The following MTUS1 variants were observed in gnomAD, a reference collection of about 807,000 sequenced individuals.
The protein encoded by MTUS1 is microtubule-associated tumor suppressor 1.
A neutral mutation model predicts 120.8 loss-of-function variants in MTUS1; 109 were observed. The ratio of observed to expected loss-of-function variants is 0.90; its 90% CI spans 0.77 to 1.06. The LOEUF (loss-of-function observed/expected upper bound fraction) is 1.06. MTUS1 is among the 50% of genes least tolerant of loss of function. The probability of loss-of-function intolerance (pLI) is 0.00; values close to 1 mark genes in which losing one functional copy is unlikely to be tolerated. For missense variants in MTUS1, 2,210 were observed against 1,486.3 expected (o/e 1.49, Z -8.01); for synonymous variants, 737 against 550.5 (o/e 1.34, Z -4.74).
chr8:17,669,860 A>AC (rs386360439), intron 8 of MTUS1, among the ~76,000 whole-genome samples: 56 of 151,610 alleles, frequency 3.7e-4, no homozygotes, highest in East Asian at 9.7e-4. Flanking sequence ...AACAAAAAAA[A>AC]CAAAATGTCC....
intron 1 of MTUS1, among the ~76,000 whole-genome samples, chr8:17,781,441 T>C (rs2050868312): frequency 6.6e-6 from 1 of 152,226 alleles, no homozygotes; most frequent in Admixed American, 6.5e-5. Flanking sequence ...CTTCACTTTG[T>C]GTTCAAAGGC....
intron 1 of MTUS1, chr8:17,800,807 C>T (rs568488812): frequency 6.6e-6 from 1 of 152,408 alleles, no homozygotes; most frequent in South Asian, 2.1e-4. Flanking sequence ...AGTCAAGCCC[C>T]TCGGTCACTT....
At chr8:17,780,532 A>G (rs2050795084) in intron 1 of MTUS1, among the ~76,000 whole-genome samples, 1 of 152,116 alleles carries the variant, frequency 6.6e-6, no homozygotes, top group Admixed American at 6.5e-5. Flanking sequence ...AATATACCTC[A>G]AGCCAAAAAC....
intron 7 of MTUS1, among the ~76,000 whole-genome samples, chr8:17,683,512 G>A (rs116958419): frequency 0.014 from 2,188 of 152,096 alleles, 22 homozygotes; most frequent in Non-Finnish European, 0.022. Context: ...GGCTGGTCTT[G>A]AACTCCTGAC....
intron 3 of MTUS1, among the ~76,000 whole-genome samples, chr8:17,725,289 G>C (rs1230691144): frequency 6.6e-6 from 1 of 152,116 alleles, no homozygotes; most frequent in Admixed American, 6.5e-5. Context: ...CTTTGTTCTA[G>C]CGATTTTGCT....
intron 1 of MTUS1, among the ~76,000 whole-genome samples, chr8:17,788,852 A>G (rs145036950): frequency 1.7e-3 from 253 of 152,308 alleles, no homozygotes; most frequent in African/African-American, 5.8e-3. Flanking sequence ...ACAAGAGGCA[A>G]AACAGTAAGT....
chr8:17,787,857 C>T (rs1004803609), intron 1 of MTUS1, among the ~76,000 whole-genome samples: 1 of 152,220 alleles, frequency 6.6e-6, no homozygotes, highest in Non-Finnish European at 1.5e-5. Flanking sequence ...CACAGTGGCT[C>T]ACACTGTAAT....
At chr8:17,779,757 T>G (rs2050726468) in intron 1 of MTUS1, among the ~76,000 whole-genome samples, 1 of 152,208 alleles carries the variant, frequency 6.6e-6, no homozygotes. Flanking sequence ...TCTAAGAGAT[T>G]CTTCTTTGAT....
intron 1 of MTUS1, among the ~76,000 whole-genome samples, chr8:17,761,468 G>C (rs1399258322): frequency 6.6e-6 from 1 of 152,144 alleles, no homozygotes; most frequent in East Asian, 1.9e-4. Context: ...TCAACTGCAT[G>C]ACGTGACCAA....
chr8:17,728,530 C>T (rs906869963), intron 3 of MTUS1, among the ~76,000 whole-genome samples: 2 of 152,184 alleles, frequency 1.3e-5, no homozygotes, highest in African/African-American at 2.4e-5. Context: ...ATATACAGAG[C>T]CAGAACCACC....
At chr8:17,777,186 C>G (rs2050512897) in intron 1 of MTUS1, among the ~76,000 whole-genome samples, 1 of 152,090 alleles carries the variant, frequency 6.6e-6, no homozygotes, top group Non-Finnish European at 1.5e-5. Context: ...CTTGTAACCC[C>G]AGCACTTTGG....
chr8:17,721,123 C>G (rs1317825718), intron 4 of MTUS1, among the ~76,000 whole-genome samples: 1 of 152,002 alleles, frequency 6.6e-6, no homozygotes, highest in East Asian at 1.9e-4. Flanking sequence ...AACAAGCAGA[C>G]AAAGCGAGAA....
At chr8:17,748,907 T>C (rs1055072220) in intron 2 of MTUS1, among the ~76,000 whole-genome samples, 2 of 152,178 alleles carry the variant, frequency 1.3e-5, no homozygotes, top group South Asian at 2.1e-4. Flanking sequence ...CTATTCTACA[T>C]AGAGGAAATG....
chr8:17,660,606 G>A (rs1809466525), intron 8 of MTUS1, among the ~76,000 whole-genome samples: 6 of 152,076 alleles, frequency 3.9e-5, no homozygotes, highest in Admixed American at 3.9e-4. Flanking sequence ...AAGGACTATG[G>A]TACTCTTTTC....
intron 1 of MTUS1, among the ~76,000 whole-genome samples, chr8:17,779,913 T>C (rs1365489278): frequency 6.6e-6 from 1 of 152,210 alleles, no homozygotes; most frequent in Non-Finnish European, 1.5e-5. Context: ...AGGTTTGAAT[T>C]CTCAACTGTC....
Position 17,780,858 on chromosome 8 carries a change from T to C in MTUS1, c.-155+20203A>G, listed in dbSNP as rs1181528059. 2.0e-5 allele frequency: 3 copies of C among 152,236 alleles called. No homozygotes were observed. The East Asian group carries it at 5.8e-4, about 29-fold the overall frequency. The allele number at this position is 152,236 out of a possible 1,614,324, so 9.4% of individuals were successfully genotyped here. A position where few individuals can be genotyped will look rare whatever the true frequency, so the allele number is the denominator to read the frequency against. ...AAAGGGACCCAGTGACCTAAGACAA[T>C]AATTAGCAACAGACTAACCTTTATG... is the stretch of plus-strand genomic sequence containing the variant. On this transcript the variant is annotated intron_variant, in intron 1 of 14. Coordinates refer to ENST00000693296, the MANE Select transcript of MTUS1 (RefSeq NM_001363059.2).
At chr8:17,666,171 G>A (rs1423442957) in intron 8 of MTUS1, among the ~76,000 whole-genome samples, 1 of 148,114 alleles carries the variant, frequency 6.8e-6, no homozygotes, top group Non-Finnish European at 1.5e-5. Flanking sequence ...ATAAAAGTGG[G>A]TTGGAGGCGA....
intron 1 of MTUS1, among the ~76,000 whole-genome samples, chr8:17,771,652 C>T (rs556002436): frequency 6.6e-6 from 1 of 152,298 alleles, no homozygotes; most frequent in African/African-American, 2.4e-5. Flanking sequence ...AGAAGTCTTG[C>T]AAGCAGGCAG....
At chr8:17,691,315 C>G (rs1816895784) in intron 6 of MTUS1, 1 of 152,226 alleles carries the variant, frequency 6.6e-6, no homozygotes, top group Admixed American at 6.5e-5. Flanking sequence ...CTATTGTGAG[C>G]AAAACTTGCC....
Sources: gnomAD v4.1 joint callset for allele counts (sites outside exome capture counted in the v4.1 genomes callset) on GRCh38, gnomAD v4.1.1 for gene constraint, MANE v1.5 for transcripts, NCBI Gene and HGNC (gene_info 2026-07-23, HGNC 2026-07-21) for gene names.